CAPZB: variants seen among roughly 807,000 people sequenced by gnomAD.
CAPZB encodes the protein F-actin-capping protein subunit beta.
In CAPZB, 2 loss-of-function variants were observed where a neutral mutation model predicts 38.1. The ratio of observed to expected loss-of-function variants is 0.05; its 90% CI spans 0.02 to 0.17. CAPZB has a LOEUF of 0.17. Ranked by LOEUF, CAPZB falls within the 10% of genes least tolerant of loss-of-function variation. The pLI is 1.00. For synonymous variants in CAPZB, 107 were observed against 127.4 expected, an observed-to-expected ratio of 0.84 and a Z score of 1.08; for missense variants, 161 against 334.2, an observed-to-expected ratio of 0.48 and a Z score of 4.04.
intron 2 of CAPZB, among the ~76,000 whole-genome samples, chr1:19,394,495 C>A (rs1011139545): frequency 6.6e-6 from 1 of 152,122 alleles, no homozygotes; most frequent in African/African-American, 2.4e-5. Flanking sequence ...CTGAGGTGGG[C>A]GGATCACCTG....
intron 2 of CAPZB, among the ~76,000 whole-genome samples, chr1:19,416,588 T>C (rs529789551): frequency 5.9e-5 from 9 of 152,234 alleles, no homozygotes; most frequent in African/African-American, 2.2e-4. Context: ...AGCTCTAGCA[T>C]ACATTCTACA....
chr1:19,390,676 C>A (rs563461361), intron 2 of CAPZB, among the ~76,000 whole-genome samples: 160 of 152,036 alleles, frequency 1.1e-3, no homozygotes, highest in African/African-American at 3.7e-3. Context: ...CAGGAGGCCA[C>A]TGGAAAGACG....
chr1:19,416,199 C>T (rs1006833700), intron 2 of CAPZB, among the ~76,000 whole-genome samples: 1 of 152,196 alleles, frequency 6.6e-6, no homozygotes, highest in Non-Finnish European at 1.5e-5. Flanking sequence ...CATTATTCTC[C>T]ATAATATACC....
At chr1:19,395,106 A>T (rs568729127) in intron 2 of CAPZB, among the ~76,000 whole-genome samples, 527 of 152,266 alleles carry the variant, frequency 3.5e-3, no homozygotes, top group Non-Finnish European at 6.3e-3. Context: ...GGGGGATTAA[A>T]AGCATTTTCT....
At chr1:19,436,532 G>A (rs539096533) in intron 1 of CAPZB, among the ~76,000 whole-genome samples, 1 of 152,308 alleles carries the variant, frequency 6.6e-6, no homozygotes, top group African/African-American at 2.4e-5. Context: ...TGGTAAGAAT[G>A]AGTCTTCTAT....
chr1:19,399,194 A>G (rs887053488), intron 2 of CAPZB, among the ~76,000 whole-genome samples: 1 of 152,108 alleles, frequency 6.6e-6, no homozygotes, highest in Non-Finnish European at 1.5e-5. Context: ...AAACCATTGG[A>G]CCGTACACTT....
At chr1:19,459,222 C>T (rs1039383607) in intron 1 of CAPZB, among the ~76,000 whole-genome samples, 7 of 152,182 alleles carry the variant, frequency 4.6e-5, no homozygotes, top group African/African-American at 7.2e-5. Context: ...AAAGAACACA[C>T]TGAAAAGAAC....
At chr1:19,394,975 AT>A (rs1251875839) in intron 2 of CAPZB, among the ~76,000 whole-genome samples, 1 of 152,142 alleles carries the variant, frequency 6.6e-6, no homozygotes, top group African/African-American at 2.4e-5. Context: ...AAGCCCTGTG[AT>A]CAAAAAGGTG....
At chr1:19,372,098 C>G (rs1436911205) in intron 4 of CAPZB, among the ~76,000 whole-genome samples, 1 of 152,214 alleles carries the variant, frequency 6.6e-6, no homozygotes, top group South Asian at 2.1e-4. Context: ...ACAAGGAGGG[C>G]TGATTGGAAA....
At chr1:19,476,173 TA>T (rs2094605784) in intron 1 of CAPZB, among the ~76,000 whole-genome samples, 1 of 1,900 alleles carries the variant, frequency 5.3e-4, no homozygotes, top group Admixed American at 7.5e-3. Flanking sequence ...AATAAGTAGA[TA>T]GATAGATAGA....
intron 4 of CAPZB, among the ~76,000 whole-genome samples, chr1:19,360,131 C>T (rs970895784): frequency 2.0e-5 from 3 of 152,266 alleles, no homozygotes; most frequent in East Asian, 1.9e-4. Context: ...GCATGGGCTC[C>T]GTGAGCCTTT....
intron 4 of CAPZB, among the ~76,000 whole-genome samples, chr1:19,376,051 G>T (rs1452283347): frequency 6.6e-6 from 1 of 152,338 alleles, no homozygotes; most frequent in East Asian, 1.9e-4. Context: ...CTTCCCCAAG[G>T]CTGGCCCTAA....
intron 4 of CAPZB, among the ~76,000 whole-genome samples, chr1:19,362,283 C>A (rs1010629311): frequency 2.0e-5 from 3 of 152,178 alleles, no homozygotes; most frequent in African/African-American, 7.2e-5. Context: ...GTCGCCCAGG[C>A]TGGAGTGCAG....
rs548579033 is a variant in CAPZB, at chr1:19,484,201, G to A, written c.3+1235C>T. On this transcript the variant is annotated intron_variant, in intron 1 of 8. Transcript: ENST00000264202. The stretch of plus-strand genomic sequence containing the variant: ...GGCGTTCTGCTCACCTGATCCGAGG[G>A]ACTTCCATAATCAGCAGTTCCAACC... The A allele has an allele frequency of 3.1e-6, 5 of 1,612,294 alleles. No homozygotes were observed. In the East Asian group the frequency reaches 6.7e-5, roughly 22 times the overall value.
intron 1 of CAPZB, among the ~76,000 whole-genome samples, chr1:19,444,193 A>G (rs181592066): frequency 1.6e-3 from 245 of 152,278 alleles, no homozygotes; most frequent in South Asian, 2.5e-3. Flanking sequence ...ATTTTCATCA[A>G]TGAAGAGCTT....
intron 1 of CAPZB, among the ~76,000 whole-genome samples, chr1:19,433,583 A>G (rs2100591818): frequency 6.6e-6 from 1 of 152,306 alleles, no homozygotes; most frequent in East Asian, 1.9e-4. Context: ...AACAGCACAA[A>G]CGGGCATGTC....
chr1:19,441,904 G>A (rs1285247689), intron 1 of CAPZB, among the ~76,000 whole-genome samples: 3 of 151,180 alleles, frequency 2.0e-5, no homozygotes, highest in Non-Finnish European at 4.4e-5. Flanking sequence ...AGCTACTTGG[G>A]AGGCTGAAGC....
intron 4 of CAPZB, among the ~76,000 whole-genome samples, chr1:19,363,046 C>T (rs559249967): frequency 6.6e-6 from 1 of 152,270 alleles, no homozygotes; most frequent in Non-Finnish European, 1.5e-5. Flanking sequence ...TACCAACGGT[C>T]CCGGCGCCTT....
chr1:19,362,378 A>AG (rs1290672332), intron 4 of CAPZB, among the ~76,000 whole-genome samples: 1 of 152,166 alleles, frequency 6.6e-6, no homozygotes, highest in African/African-American at 2.4e-5. Flanking sequence ...CTGGGATTCC[A>AG]GGGGTCTGCC....
Sources: allele counts gnomAD v4.1 joint callset (sites outside exome capture counted in the v4.1 genomes callset), GRCh38; gene constraint gnomAD v4.1.1; transcripts MANE v1.5; gene names NCBI Gene and HGNC (gene_info 2026-07-23, HGNC 2026-07-21).